Variants in ARG2 observed in about 807,000 individuals in gnomAD.
ARG2 encodes the protein arginase 2.
Under a neutral mutation model 39.4 loss-of-function variants are expected in ARG2, and 21 were observed. The ratio of observed to expected loss-of-function variants is 0.53; its 90% CI spans 0.38 to 0.77. The LOEUF is 0.77. Ranked by LOEUF, ARG2 falls within the 30% of genes least tolerant of loss-of-function variation. ARG2 has a pLI of 0.00. For missense variants in ARG2, 378 were observed against 426.2 expected (o/e 0.89, Z 1.00); for synonymous variants, 150 against 156.7 (o/e 0.96, Z 0.32).
chr14:67,636,307 T>A (rs1178286172), intron 2 of ARG2, among the ~76,000 whole-genome samples: 1 of 152,056 alleles, frequency 6.6e-6, no homozygotes, highest in Non-Finnish European at 1.5e-5. Context: ...TTACTCATCA[T>A]GTAATCATAT....
At chr14:67,623,252 A>G (rs767116888) in intron 2 of ARG2, among the ~76,000 whole-genome samples, 2 of 152,208 alleles carry the variant, frequency 1.3e-5, no homozygotes, top group African/African-American at 4.8e-5. Flanking sequence ...ACCAAGAGAC[A>G]TTTCAGTTGC....
At position 67,650,952 on chromosome 14, in the gene ARG2, G is replaced by C; in HGVS notation, c.*32G>C. ...CTGTGCACTGACATGTTTCACAACA[G>C]GCATTCCAGAATTATGAGGCATTGA... On this transcript the variant is annotated 3_prime_UTR_variant, in exon 8 of 8. Coordinates refer to ENST00000261783, the MANE Select transcript of ARG2 (RefSeq NM_001172.4). 6.3e-7 allele frequency: 1 copy of C among 1,599,074 alleles called. No individual in the cohort carries two copies. The highest frequency in any genetic ancestry group is 8.6e-7 in the Non-Finnish European group (1 of 1,168,454).
rs763512011 is a variant in ARG2, at chr14:67,620,953, G to C, written c.171G>C (p.Arg57Ser). Reference sequence around the variant, plus strand: ...TAAGAGAAGCTGGCTTGATGAAAAGGCTCTCCAGTTTGGGTAAGTGGTTAG... The same window carrying C: ...TAAGAGAAGCTGGCTTGATGAAAAGCCTCTCCAGTTTGGGTAAGTGGTTAG... Reference protein sequence around the residue: ...AAIREAGLMKRLSSLGCHLKD... With the variant: ...AAIREAGLMKSLSSLGCHLKD... The change falls in exon 2 of 8, where the codon AGG becomes AGC. Residue 57 changes from arginine (R) to serine (S), a missense_variant. Physicochemically the swap from Arg to Ser is moderately radical, Grantham distance 110. Transcript: ENST00000261783. The C allele has an allele frequency of 2.5e-6, 4 of 1,614,108 alleles. No homozygotes were observed. The highest frequency in any genetic ancestry group is 2.2e-5 in the East Asian group (1 of 44,882).
At chr14:67,625,307 T>C (rs1421793327) in intron 2 of ARG2, among the ~76,000 whole-genome samples, 1 of 152,178 alleles carries the variant, frequency 6.6e-6, no homozygotes, top group African/African-American at 2.4e-5. Flanking sequence ...TTCTTAGCTA[T>C]CCCATCAAAA....
intron 7 of ARG2, chr14:67,650,034 A>G (rs1338810612): frequency 1.3e-5 from 2 of 152,338 alleles, no homozygotes; most frequent in Non-Finnish European, 2.9e-5. Context: ...AAACCTTAAC[A>G]GAAGGTAACT....
Position 67,651,480 on chromosome 14 carries a change from C to T in ARG2, c.*560C>T, listed in dbSNP as rs1246674921. ...GAAAGCAGCAGCTTGTTGGTTGTCACTCTACAAAGAGAAGCAAAGTGGGGA... is the reference window on the plus strand; with the variant it reads ...GAAAGCAGCAGCTTGTTGGTTGTCATTCTACAAAGAGAAGCAAAGTGGGGA... On this transcript the variant is annotated 3_prime_UTR_variant, in exon 8 of 8. Transcript: ENST00000261783. 4.3e-6 allele frequency: 7 copies of T among 1,613,616 alleles called. No individual in the cohort carries two copies. Among genetic ancestry groups the T allele is most frequent in the Non-Finnish European group, 5.9e-6 (7 of 1,179,634 alleles).
At chr14:67,650,560 G>A in intron 7 of ARG2, 155 bp from the exon 8 acceptor site, 1 of 614,156 alleles carries the variant, frequency 1.6e-6, no homozygotes, top group Non-Finnish European at 2.8e-6. Context: ...TGGCCAAGAG[G>A]ATGAGGTGCA....
chr14:67,640,674 TAAGAA>T (rs111660376), intron 2 of ARG2, among the ~76,000 whole-genome samples: 1 of 152,194 alleles, frequency 6.6e-6, no homozygotes, highest in African/African-American at 2.4e-5. Flanking sequence ...ACCAGGACCC[TAAGAA>T]TATAATCTAT....
intron 2 of ARG2, among the ~76,000 whole-genome samples, chr14:67,636,521 G>A (rs1236333086): frequency 6.6e-6 from 1 of 152,208 alleles, no homozygotes; most frequent in African/African-American, 2.4e-5. Context: ...TTCTTTCAGG[G>A]ATTTACTCAC....
intron 2 of ARG2, among the ~76,000 whole-genome samples, chr14:67,626,091 A>G (rs1413761046): frequency 1.3e-5 from 2 of 151,924 alleles, no homozygotes; most frequent in Non-Finnish European, 2.9e-5. Flanking sequence ...CGTCTCTACT[A>G]AAAAATACAA....
intron 2 of ARG2, among the ~76,000 whole-genome samples, chr14:67,624,111 G>A (rs1462427299): frequency 1.3e-5 from 2 of 152,180 alleles, no homozygotes; most frequent in Non-Finnish European, 2.9e-5. Flanking sequence ...CATTGCTCTG[G>A]CAAGGCTGAG....
Position 67,638,485 on chromosome 14 carries a change from A to C in ARG2, c.185-3701A>C, listed in dbSNP as rs1055888351. 2.6e-5 allele frequency among the ~76,000 whole-genome samples: 4 copies of C among 152,212 alleles called. 1 individual carries two copies. Among genetic ancestry groups the C allele is most frequent in the Non-Finnish European group, 5.9e-5 (4 of 68,030 alleles). On this transcript the variant is annotated intron_variant, in intron 2 of 7. Transcript: ENST00000261783. ...CCAATTTTACAGAGAATTTCAAAAC[A>C]AAACAGTGCAAGTACAAACTATTTG...
intron 2 of ARG2, among the ~76,000 whole-genome samples, chr14:67,629,686 CTTT>C (rs1362942291): frequency 6.6e-6 from 1 of 152,142 alleles, no homozygotes; most frequent in Non-Finnish European, 1.5e-5. Flanking sequence ...ACCCAGATTT[CTTT>C]TTTAATAGAA....
chr14:67,639,449 A>G (rs2037007148), intron 2 of ARG2, among the ~76,000 whole-genome samples: 1 of 152,182 alleles, frequency 6.6e-6, no homozygotes, highest in South Asian at 2.1e-4. Flanking sequence ...GCAATTACCA[A>G]AATATAAATT....
chr14:67,651,623 T>A lies in ARG2; in HGVS notation c.*703T>A, dbSNP rs2037178576. On this transcript the variant is annotated 3_prime_UTR_variant, in exon 8 of 8. Transcript: ENST00000261783. The stretch of plus-strand genomic sequence containing the variant: ...ACAGCCACTTAGCAGGAAGTACTCA[T>A]AAGGTTCTTTAGCTGTCACTTAGGG... 3 of 856,530 alleles carry A rather than the reference T, an allele frequency of 3.5e-6. No homozygotes were observed. Among genetic ancestry groups the A allele is most frequent in the Non-Finnish European group, 5.2e-6 (3 of 574,960 alleles). The allele number at this position is 856,530 out of a possible 1,614,324, so 53.1% of individuals were successfully genotyped here. A position where few individuals can be genotyped will look rare whatever the true frequency, so the allele number is the denominator to read the frequency against.
At chr14:67,620,745 C>T in intron 1 of ARG2, 149 bp from the exon 2 acceptor site, 1 of 722,044 alleles carries the variant, frequency 1.4e-6, no homozygotes, top group Non-Finnish European at 2.3e-6. Context: ...TGATGTGATT[C>T]CAACAATGGA....
chr14:67,647,001 G>A lies in ARG2; in HGVS notation c.698G>A (p.Arg233Gln), dbSNP rs568264895. Reference protein sequence around the residue: ...DRLGIQKVMERTFDLLIGKRQ... With the variant: ...DRLGIQKVMEQTFDLLIGKRQ... ...CTTGGTATCCAGAAGGTCATGGAAC[G>A]AACATTTGATCTGCTGATTGGCAAG... The change falls in exon 6 of 8, where the codon CGA (arginine) becomes CAA (glutamine). Residue 233 changes from arginine (R) to glutamine (Q), a missense_variant. By Grantham distance (43) the Arg-to-Gln change is conservative. Coordinates refer to ENST00000261783, the MANE Select transcript of ARG2 (RefSeq NM_001172.4). 3.9e-5 allele frequency: 63 copies of A among 1,611,854 alleles called. No homozygotes were observed. The Admixed American group carries it at 5.8e-4, about 15-fold the overall frequency.
chr14:67,650,086 T>C (rs191701268), intron 7 of ARG2: 49 of 152,476 alleles, frequency 3.2e-4, no homozygotes, highest in African/African-American at 1.1e-3. Flanking sequence ...GAATTTTCTC[T>C]TGATCAAGTA....
At chr14:67,646,377 G>A in intron 4 of ARG2, 1 of 444,180 alleles carries the variant, frequency 2.3e-6, no homozygotes, top group Non-Finnish European at 4.0e-6. Context: ...CAGTATTCCT[G>A]CTACTAGGTA....
Sources: allele counts gnomAD v4.1 joint callset (sites outside exome capture counted in the v4.1 genomes callset), GRCh38; gene constraint gnomAD v4.1.1; transcripts MANE v1.5; gene names NCBI Gene and HGNC (gene_info 2026-07-23, HGNC 2026-07-21).